The following CTNNBL1 variants were observed in gnomAD, a reference collection of about 807,000 sequenced individuals.
The protein encoded by CTNNBL1 is catenin beta like 1.
Under a neutral mutation model 72.7 loss-of-function variants are expected in CTNNBL1, and 31 were observed. That is an observed-to-expected ratio of 0.43 (90% confidence interval 0.32 to 0.58). CTNNBL1 has a LOEUF of 0.58. Ranked by LOEUF, CTNNBL1 falls within the 20% of genes least tolerant of loss-of-function variation. CTNNBL1 has a pLI of 0.08. For synonymous variants in CTNNBL1, 240 were observed against 267.3 expected (o/e 0.90, Z 1.00); for missense variants, 534 against 725.1 (o/e 0.74, Z 3.03).
chr20:37,699,623 T>G (rs748821836), intron 1 of CTNNBL1, among the ~76,000 whole-genome samples: 5 of 152,224 alleles, frequency 3.3e-5, no homozygotes, highest in African/African-American at 4.8e-5. Context: ...TAGTTATCAT[T>G]TACAAAGTAG....
intron 7 of CTNNBL1, among the ~76,000 whole-genome samples, chr20:37,771,791 T>G (rs917870814): frequency 6.6e-6 from 1 of 152,158 alleles, no homozygotes; most frequent in Non-Finnish European, 1.5e-5. Flanking sequence ...TAAGTTCTGT[T>G]GTAGATAAAA....
intron 13 of CTNNBL1, among the ~76,000 whole-genome samples, chr20:37,848,345 G>T (rs546819245): frequency 6.6e-6 from 1 of 151,782 alleles, no homozygotes; most frequent in East Asian, 1.9e-4. Flanking sequence ...TTGTAGAGAC[G>T]AGGTCTTGCT....
chr20:37,841,224 C>T (rs1427708226), intron 12 of CTNNBL1, among the ~76,000 whole-genome samples: 2 of 152,222 alleles, frequency 1.3e-5, no homozygotes, highest in African/African-American at 2.4e-5. Flanking sequence ...TTAAGACTGT[C>T]TCTTTGAGCT....
rs2072288935 is a variant in CTNNBL1, at chr20:37,840,016, C to T, written c.1214-86C>T. On this transcript the variant is annotated intron_variant, in intron 11 of 15. Coordinates refer to ENST00000361383, the MANE Select transcript of CTNNBL1 (RefSeq NM_030877.5). ...AGTCAGAAAGGCCTACTTATTCTGC[C>T]CTCAATAGAACCAGACGAGGCTTGA... The T allele has an allele frequency of 1.1e-5, 10 of 918,490 alleles. No individual in the cohort carries two copies. The South Asian group carries it at 1.4e-4, about 13-fold the overall frequency. 56.9% of individuals were successfully genotyped at this position (918,490 alleles called of 1,614,324 possible).
chr20:37,800,528 C>G (rs1229890689), intron 10 of CTNNBL1, among the ~76,000 whole-genome samples: 2 of 152,202 alleles, frequency 1.3e-5, no homozygotes, highest in Non-Finnish European at 2.9e-5. Flanking sequence ...TGTCTCCTTC[C>G]TCTAACTAAA....
chr20:37,858,522 G>C (rs1289371967), intron 13 of CTNNBL1, among the ~76,000 whole-genome samples: 4 of 152,230 alleles, frequency 2.6e-5, no homozygotes, highest in East Asian at 1.9e-4. Context: ...GAATCCCAAG[G>C]GGGGAAGGCA....
chr20:37,841,678 C>T (rs2072305401), intron 12 of CTNNBL1, among the ~76,000 whole-genome samples: 1 of 152,130 alleles, frequency 6.6e-6, no homozygotes, highest in Admixed American at 6.5e-5. Context: ...AGTGTTTCTT[C>T]AGTCATTTTG....
intron 1 of CTNNBL1, among the ~76,000 whole-genome samples, chr20:37,708,664 T>C (rs2072911125): frequency 6.6e-6 from 1 of 152,200 alleles, no homozygotes; most frequent in South Asian, 2.1e-4. Context: ...GGTTGGTAAA[T>C]GGAAATTAGC....
At chr20:37,865,516 C>T (rs991884284) in intron 15 of CTNNBL1, among the ~76,000 whole-genome samples, 18 of 152,158 alleles carry the variant, frequency 1.2e-4, no homozygotes, top group Admixed American at 7.2e-4. Context: ...CCTCCCTCCC[C>T]CCAGCCCCTG....
rs6122954 is a variant in CTNNBL1 at position 37,748,194 on chromosome 20, G to A, written c.466+1587G>A. 2.8e-3 allele frequency among the ~76,000 whole-genome samples: 430 copies of A among 152,288 alleles called. 5 individuals are homozygous for A. Among genetic ancestry groups the A allele is most frequent in the East Asian group, 0.017 (90 of 5,178 alleles). ...TCATCTTTCTGGTAATCTCTCTCCT[G>A]AGAGCGTGTCTGACTAAGTTCTTGC... On this transcript the variant is annotated intron_variant, in intron 4 of 15. Coordinates refer to ENST00000361383, the MANE Select transcript of CTNNBL1 (RefSeq NM_030877.5).
chr20:37,733,990 A>G (rs1192652872), intron 2 of CTNNBL1, among the ~76,000 whole-genome samples: 1 of 152,214 alleles, frequency 6.6e-6, no homozygotes, highest in African/African-American at 2.4e-5. Context: ...TAAAAACAAA[A>G]TGACCTTACC....
intron 11 of CTNNBL1, among the ~76,000 whole-genome samples, chr20:37,818,924 T>C (rs959165118): frequency 1.3e-5 from 2 of 152,232 alleles, no homozygotes; most frequent in Non-Finnish European, 2.9e-5. Context: ...ACTTTTCATA[T>C]GTCAAGTTTT....
chr20:37,823,017 T>C (rs2072123203), intron 11 of CTNNBL1, among the ~76,000 whole-genome samples: 1 of 152,250 alleles, frequency 6.6e-6, no homozygotes, highest in Non-Finnish European at 1.5e-5. Flanking sequence ...GGCAACAAAG[T>C]ACTTAATATA....
rs548482768 is a variant in CTNNBL1, at chr20:37,737,351, G to A, written c.220-27G>A. 5.8e-6 allele frequency: 9 copies of A among 1,554,798 alleles called. No homozygotes were observed. In the African/African-American group the frequency reaches 6.8e-5, roughly 12 times the overall value. ...GAATGTGAAACCCCTGTGGACTGAA[G>A]TTTTTGCATTTGTCTCTTTGTACCA... On this transcript the variant is annotated intron_variant, in intron 2 of 15. Transcript: ENST00000361383.
chr20:37,826,851 A>G (rs2072164365), intron 11 of CTNNBL1, among the ~76,000 whole-genome samples: 1 of 152,238 alleles, frequency 6.6e-6, no homozygotes, highest in Admixed American at 6.5e-5. Flanking sequence ...AAATTAACTG[A>G]GTGTCGTATG....
chr20:37,721,211 G>A (rs897001007), intron 1 of CTNNBL1, among the ~76,000 whole-genome samples: 6 of 152,138 alleles, frequency 3.9e-5, no homozygotes, highest in Admixed American at 1.3e-4. Flanking sequence ...CTGCTATCCC[G>A]CTCATATATT....
chr20:37,815,566 C>A (rs1007501211), intron 11 of CTNNBL1, among the ~76,000 whole-genome samples: 1 of 152,116 alleles, frequency 6.6e-6, no homozygotes, highest in African/African-American at 2.4e-5. Context: ...GATCTGCCCC[C>A]CTCGGCCTCC....
At chr20:37,768,825 A>G (rs1226554145) in intron 7 of CTNNBL1, among the ~76,000 whole-genome samples, 2 of 151,734 alleles carry the variant, frequency 1.3e-5, no homozygotes, top group Non-Finnish European at 2.9e-5. Context: ...GTTGCCCAGG[A>G]TGGAGTACAG....
intron 1 of CTNNBL1, among the ~76,000 whole-genome samples, chr20:37,705,940 A>G (rs2072881357): frequency 6.6e-6 from 1 of 152,250 alleles, no homozygotes; most frequent in African/African-American, 2.4e-5. Context: ...GGAGATATTA[A>G]GGGTTTGGTT....
Sources: allele counts gnomAD v4.1 joint callset (sites outside exome capture counted in the v4.1 genomes callset), GRCh38; gene constraint gnomAD v4.1.1; transcripts MANE v1.5; gene names NCBI Gene and HGNC (gene_info 2026-07-23, HGNC 2026-07-21).